The following KHDRBS2 variants were observed in gnomAD, a reference collection of about 807,000 sequenced individuals.
The protein encoded by KHDRBS2 is KH RNA binding domain containing, signal transduction associated 2, also known as KH domain-containing, RNA-binding, signal transduction-associated protein 2.
Under a neutral mutation model 44.3 loss-of-function variants are expected in KHDRBS2, and 26 were observed. That is an observed-to-expected ratio of 0.59 (90% confidence interval 0.43 to 0.81). The LOEUF is 0.81. KHDRBS2 is among the 40% of genes least tolerant of loss of function. The pLI, the probability that KHDRBS2 is intolerant of heterozygous loss-of-function variation, is 0.00. For synonymous variants in KHDRBS2, 194 were observed against 151.1 expected (o/e 1.28, Z -2.08); for missense variants, 476 against 433.1 (o/e 1.10, Z -0.88).
At chr6:62,098,062 G>A (rs1801018717) in intron 2 of KHDRBS2, among the ~76,000 whole-genome samples, 1 of 151,916 alleles carries the variant, frequency 6.6e-6, no homozygotes, top group African/African-American at 2.4e-5. Flanking sequence ...AATTTTTAAT[G>A]TTCAACTTTA....
chr6:61,947,820 T>A (rs553872259), intron 4 of KHDRBS2, among the ~76,000 whole-genome samples: 1 of 151,678 alleles, frequency 6.6e-6, no homozygotes, highest in Non-Finnish European at 1.5e-5. Context: ...TTTCAAAATC[T>A]TTGAAAACCA....
intron 6 of KHDRBS2, among the ~76,000 whole-genome samples, chr6:61,858,862 T>A (rs905958727): frequency 3.9e-5 from 6 of 151,936 alleles, no homozygotes; most frequent in Non-Finnish European, 2.9e-5. Context: ...TCGGGAAACC[T>A]ATTCAAGTAA....
intron 6 of KHDRBS2, among the ~76,000 whole-genome samples, chr6:61,840,900 GA>G (rs1349208187): frequency 6.6e-6 from 1 of 152,090 alleles, no homozygotes; most frequent in Non-Finnish European, 1.5e-5. Context: ...AATGGAAATG[GA>G]GACATGCAGT....
chr6:61,977,682 A>G lies in KHDRBS2; in HGVS notation c.483+384T>C, dbSNP rs192136468. On this transcript the variant is annotated intron_variant, in intron 4 of 8. Coordinates refer to ENST00000281156, the MANE Select transcript of KHDRBS2 (RefSeq NM_152688.4). ...ACATATCTGATCTCTTTCCCTTTCC[A>G]CTACACCAGGAAATAATTTCCCTAT... Among the ~76,000 whole-genome samples, 20 of 152,078 alleles carry G rather than the reference A, an allele frequency of 1.3e-4. No homozygotes were observed. The East Asian group carries it at 3.5e-3, about 27-fold the overall frequency.
chr6:61,983,622 A>G (rs1774429886), intron 3 of KHDRBS2, among the ~76,000 whole-genome samples: 1 of 152,082 alleles, frequency 6.6e-6, no homozygotes, highest in Non-Finnish European at 1.5e-5. Flanking sequence ...GAAGGCTTTT[A>G]AAAGTCCAAT....
At chr6:62,231,908 C>T (rs535911737) in intron 1 of KHDRBS2, among the ~76,000 whole-genome samples, 9 of 152,192 alleles carry the variant, frequency 5.9e-5, no homozygotes, top group Non-Finnish European at 8.8e-5. Flanking sequence ...TGAATTCTTA[C>T]GAAGCACTGT....
chr6:62,203,763 A>G (rs1217677846), intron 1 of KHDRBS2, among the ~76,000 whole-genome samples: 1 of 152,184 alleles, frequency 6.6e-6, no homozygotes, highest in African/African-American at 2.4e-5. Flanking sequence ...AGAAACAGCT[A>G]TAACTAGCAT....
At chr6:62,275,379 T>C (rs1443029797) in intron 1 of KHDRBS2, among the ~76,000 whole-genome samples, 2 of 152,154 alleles carry the variant, frequency 1.3e-5, no homozygotes, top group African/African-American at 4.8e-5. Context: ...TGGCTTCTAC[T>C]TTTTGCCAGA....
intron 6 of KHDRBS2, among the ~76,000 whole-genome samples, chr6:61,741,544 C>T (rs575283121): frequency 6.6e-5 from 10 of 151,778 alleles, no homozygotes; most frequent in South Asian, 2.1e-4. Context: ...TATTTTGCTG[C>T]GGTTTGGGGT....
the KHDRBS2 span, among the ~76,000 whole-genome samples, chr6:61,597,518 A>G: frequency 6.6e-6 from 1 of 151,386 alleles, no homozygotes; most frequent in East Asian, 2.0e-4. Flanking sequence ...GATAACTAGA[A>G]CTCTCATATT....
Position 61,967,383 on chromosome 6 carries a change from G to T in KHDRBS2, c.483+10683C>A, listed in dbSNP as rs182806473. 2.0e-5 allele frequency among the ~76,000 whole-genome samples: 3 copies of T among 150,698 alleles called. No homozygotes were observed. The East Asian group carries it at 5.9e-4, about 30-fold the overall frequency. ...GGAAATGTAAGCCATTTTACAAGCT[G>T]TATGCTGTGAAGATAGATGATAGAT... On this transcript the variant is annotated intron_variant, in intron 4 of 8. Transcript: ENST00000281156.
At chr6:62,133,423 C>G (rs1324786387) in intron 2 of KHDRBS2, among the ~76,000 whole-genome samples, 2 of 152,198 alleles carry the variant, frequency 1.3e-5, no homozygotes, top group Admixed American at 6.5e-5. Flanking sequence ...TTGCCTTCCA[C>G]CATGATTGTG....
intron 3 of KHDRBS2, among the ~76,000 whole-genome samples, chr6:61,994,085 T>C (rs907169008): frequency 6.6e-6 from 1 of 152,166 alleles, no homozygotes; most frequent in Non-Finnish European, 1.5e-5. Context: ...CTGGCAGGAA[T>C]GCAGCTGTTA....
intron 4 of KHDRBS2, among the ~76,000 whole-genome samples, chr6:61,904,308 C>T (rs1453366609): frequency 6.6e-6 from 1 of 152,158 alleles, no homozygotes; most frequent in African/African-American, 2.4e-5. Context: ...AGTTCAGCTC[C>T]TAGACAGAAA....
intron 3 of KHDRBS2, among the ~76,000 whole-genome samples, chr6:62,017,105 A>T (rs1457873163): frequency 6.6e-6 from 1 of 152,132 alleles, no homozygotes; most frequent in Non-Finnish European, 1.5e-5. Context: ...TGAACCAAAC[A>T]AACACAAAAA....
At chr6:61,735,881 T>C (rs1233518392) in intron 6 of KHDRBS2, among the ~76,000 whole-genome samples, 1 of 152,080 alleles carries the variant, frequency 6.6e-6, no homozygotes, top group African/African-American at 2.4e-5. Flanking sequence ...AAGTTGAGAA[T>C]TCCTATTACT....
the KHDRBS2 span, among the ~76,000 whole-genome samples, chr6:61,564,912 C>T: frequency 6.6e-6 from 1 of 151,896 alleles, no homozygotes; most frequent in Non-Finnish European, 1.5e-5. Context: ...GTTTAGTAAC[C>T]AAAATAGTAT....
At chr6:61,544,973 T>C in the KHDRBS2 span, among the ~76,000 whole-genome samples, 1 of 151,956 alleles carries the variant, frequency 6.6e-6, no homozygotes, top group African/African-American at 2.4e-5. Flanking sequence ...GAGATATACC[T>C]AATGCTAAAT....
intron 3 of KHDRBS2, among the ~76,000 whole-genome samples, chr6:62,000,840 A>G (rs1778100787): frequency 6.6e-6 from 1 of 152,214 alleles, no homozygotes. Context: ...CAAAATTGGA[A>G]AAGTATGGTC....
Sources: allele counts gnomAD v4.1 joint callset (sites outside exome capture counted in the v4.1 genomes callset), GRCh38; gene constraint gnomAD v4.1.1; transcripts MANE v1.5; gene names NCBI Gene and HGNC (gene_info 2026-07-23, HGNC 2026-07-21).